SLC4A10: variants seen among roughly 807,000 people sequenced by gnomAD.
SLC4A10 encodes sodium-driven chloride bicarbonate exchanger.
In SLC4A10, 42 loss-of-function variants were observed where a neutral mutation model predicts 137.7. That is an observed-to-expected ratio of 0.30 (90% CI 0.24 to 0.39). The LOEUF (loss-of-function observed/expected upper bound fraction) is 0.39, where lower values mean the gene tolerates loss of function less well. Ranked by LOEUF, SLC4A10 falls within the 10% of genes least tolerant of loss-of-function variation. The pLI is 1.00. For missense variants in SLC4A10, 925 were observed against 1,355.0 expected, an observed-to-expected ratio of 0.68 and a Z score of 4.98; for synonymous variants, 474 against 464.1, an observed-to-expected ratio of 1.02 and a Z score of -0.27.
chr2:161,633,855 A>G (rs760929185), intron 1 of SLC4A10, among the ~76,000 whole-genome samples: 6 of 151,728 alleles, frequency 4.0e-5, no homozygotes, highest in Non-Finnish European at 8.9e-5. Context: ...GATCATTTGG[A>G]AGGCATCAAA....
chr2:161,970,004 G>C (rs1159368390), intron 23 of SLC4A10, among the ~76,000 whole-genome samples: 1 of 152,152 alleles, frequency 6.6e-6, no homozygotes, highest in African/African-American at 2.4e-5. Context: ...TGGCAACCTA[G>C]AATGCAAATT....
intron 1 of SLC4A10, among the ~76,000 whole-genome samples, chr2:161,652,592 A>G (rs928610051): frequency 1.8e-4 from 28 of 152,304 alleles, no homozygotes; most frequent in African/African-American, 5.8e-4. Context: ...TTTTTATTTT[A>G]TAGTGGCAAG....
intron 4 of SLC4A10, among the ~76,000 whole-genome samples, chr2:161,851,888 G>A (rs1289539301): frequency 6.6e-6 from 1 of 151,962 alleles, no homozygotes; most frequent in African/African-American, 2.4e-5. Context: ...ATTTAATTCA[G>A]TTTATTTATT....
chr2:161,708,945 A>C, intron 1 of SLC4A10: 1 of 1,224,994 alleles, frequency 8.2e-7, no homozygotes, highest in Non-Finnish European at 1.1e-6. Flanking sequence ...GACTTTCCTT[A>C]GGATATTTGA....
At chr2:161,814,833 T>C (rs1166819608) in intron 3 of SLC4A10, among the ~76,000 whole-genome samples, 4 of 151,968 alleles carry the variant, frequency 2.6e-5, no homozygotes, top group Non-Finnish European at 4.4e-5. Context: ...TGCCCACTAC[T>C]TGGGGGACAG....
intron 1 of SLC4A10, among the ~76,000 whole-genome samples, chr2:161,696,176 C>T (rs1242006153): frequency 6.8e-6 from 1 of 146,856 alleles, no homozygotes; most frequent in African/African-American, 2.5e-5. Context: ...GTTTTTTTGT[C>T]CCTGTGATTG....
At chr2:161,761,145 A>G (rs900997460) in intron 1 of SLC4A10, among the ~76,000 whole-genome samples, 13 of 152,096 alleles carry the variant, frequency 8.5e-5, no homozygotes, top group Admixed American at 7.9e-4. Context: ...ATTTATTAAA[A>G]CAAGACTTGC....
rs577302719 is a variant in SLC4A10, at chr2:161,893,064, A to G, written c.1195-1615A>G. Among the ~76,000 whole-genome samples the G allele has an allele frequency of 2.6e-5, 4 of 152,212 alleles. No homozygotes were observed. In the East Asian group the frequency reaches 7.7e-4, roughly 29 times the overall value. ...CCTGTGTTTTCTCAGTCACTAAACC[A>G]GAAAAAAAGCAATGTGATAAGTCAC... is the stretch of plus-strand genomic sequence containing the variant. On this transcript the variant is annotated intron_variant, in intron 10 of 26. Transcript: ENST00000446997.
At chr2:161,880,226 T>A (rs2061683565) in intron 9 of SLC4A10, among the ~76,000 whole-genome samples, 1 of 152,140 alleles carries the variant, frequency 6.6e-6, no homozygotes, top group Non-Finnish European at 1.5e-5. Context: ...TCTCAAAAGC[T>A]GTTAGTGCGC....
At position 161,970,689 on chromosome 2, in the gene SLC4A10, A is replaced by G. The variant is rs553702747; in HGVS notation, c.3160-3560A>G. On this transcript the variant is annotated intron_variant, in intron 23 of 26. Coordinates refer to ENST00000446997, the MANE Select transcript of SLC4A10 (RefSeq NM_001178015.2). Reference sequence around the variant, plus strand: ...AGATACACACTTTGCCTGAAAATGGATGTAGTTGTAAATGAACCTATTTCA... The same window carrying G: ...AGATACACACTTTGCCTGAAAATGGGTGTAGTTGTAAATGAACCTATTTCA... Among the ~76,000 whole-genome samples the G allele has an allele frequency of 1.1e-4, 17 of 152,326 alleles. No homozygotes were observed. In the South Asian group the frequency reaches 3.5e-3, roughly 32 times the overall value.
chr2:161,980,961 G>A (rs868629539), intron 26 of SLC4A10, among the ~76,000 whole-genome samples: 8 of 152,118 alleles, frequency 5.3e-5, no homozygotes, highest in African/African-American at 1.7e-4. Flanking sequence ...AAGTAATTCC[G>A]AACAATGGAT....
At chr2:161,959,811 A>G (rs1190295585) in intron 21 of SLC4A10, among the ~76,000 whole-genome samples, 1 of 152,226 alleles carries the variant, frequency 6.6e-6, no homozygotes, top group Non-Finnish European at 1.5e-5. Flanking sequence ...AAGAATTTGT[A>G]GACACATTTT....
chr2:161,664,624 T>G (rs2038834263), intron 1 of SLC4A10, among the ~76,000 whole-genome samples: 1 of 151,860 alleles, frequency 6.6e-6, no homozygotes, highest in South Asian at 2.1e-4. Context: ...CTTTTAAAAC[T>G]GCTGTGAGAG....
intron 16 of SLC4A10, among the ~76,000 whole-genome samples, chr2:161,945,279 C>A (rs1693586050): frequency 7.1e-6 from 1 of 140,262 alleles, no homozygotes; most frequent in African/African-American, 2.7e-5. Flanking sequence ...AATCCTTAGG[C>A]AAGATTTAAA....
intron 9 of SLC4A10, among the ~76,000 whole-genome samples, chr2:161,880,575 T>C (rs2061704439): frequency 6.6e-6 from 1 of 152,102 alleles, no homozygotes; most frequent in African/African-American, 2.4e-5. Context: ...AGATGACTGA[T>C]ACACATCAAC....
chr2:161,747,966 T>C (rs1346498841), intron 1 of SLC4A10, among the ~76,000 whole-genome samples: 3 of 152,168 alleles, frequency 2.0e-5, no homozygotes, highest in Non-Finnish European at 4.4e-5. Flanking sequence ...TTACCTTATG[T>C]CTTATGTCTG....
At chr2:161,693,994 T>A (rs945619266) in intron 1 of SLC4A10, among the ~76,000 whole-genome samples, 1 of 152,128 alleles carries the variant, frequency 6.6e-6, no homozygotes, top group East Asian at 1.9e-4. Flanking sequence ...TACTCAAAAC[T>A]TGGCACATTC....
intron 10 of SLC4A10, among the ~76,000 whole-genome samples, chr2:161,889,017 G>A (rs1159568771): frequency 3.9e-5 from 6 of 152,106 alleles, no homozygotes; most frequent in African/African-American, 1.4e-4. Context: ...TTTATTGAAG[G>A]CCTTTTCTGC....
In SLC4A10 at chr2:161,624,442, A is replaced by T; in HGVS notation, c.-77A>T. ...GAGCTACCTGATCCGAATACTAAGCAGAGCGAGTGCCGGGCTGAGTGTAAG... is the reference window on the plus strand; with the variant it reads ...GAGCTACCTGATCCGAATACTAAGCTGAGCGAGTGCCGGGCTGAGTGTAAG... On this transcript the variant is annotated 5_prime_UTR_variant, in exon 1 of 27. Coordinates refer to ENST00000446997, the MANE Select transcript of SLC4A10 (RefSeq NM_001178015.2). The T allele has an allele frequency of 6.5e-7, 1 of 1,548,926 alleles. No individual in the cohort carries two copies. The highest frequency in any genetic ancestry group is 1.2e-5 in the South Asian group (1 of 83,906).
Sources: allele counts gnomAD v4.1 joint callset (sites outside exome capture counted in the v4.1 genomes callset), GRCh38; gene constraint gnomAD v4.1.1; transcripts MANE v1.5; gene names NCBI Gene and HGNC (gene_info 2026-07-23, HGNC 2026-07-21).